MOV10L1: variants seen among roughly 807,000 people sequenced by gnomAD.
The protein encoded by MOV10L1 is Mov10 like RNA helicase 1.
MOV10L1 carries 110 observed loss-of-function variants against 143.8 expected under a neutral mutation model. The observed-to-expected ratio is 0.76, with a 90% CI of 0.66 to 0.90. The LOEUF is 0.90. MOV10L1 is among the 40% of genes least tolerant of loss of function. The probability of loss-of-function intolerance (pLI) is 0.00; values close to 1 mark genes in which losing one functional copy is unlikely to be tolerated. For synonymous variants in MOV10L1, 593 were observed against 581.1 expected, an observed-to-expected ratio of 1.02 and a Z score of -0.29; for missense variants, 1,406 against 1,526.8, an observed-to-expected ratio of 0.92 and a Z score of 1.32.
At chr22:50,113,842 TA>T in intron 6 of MOV10L1, 54 bp downstream of exon 6, 1 of 1,408,728 alleles carries the variant, frequency 7.1e-7, no homozygotes, top group Non-Finnish European at 9.3e-7. Context: ...GCTTTTACAC[TA>T]TGACTCAATA....
intron 20 of MOV10L1, among the ~76,000 whole-genome samples, chr22:50,150,119 C>A (rs190296729): frequency 2.0e-5 from 3 of 152,346 alleles, no homozygotes; most frequent in Admixed American, 2.0e-4. Context: ...CCTGCTTCCT[C>A]CCCGAGTGCT....
chr22:50,120,213 G>A lies in MOV10L1; in HGVS notation c.1455-289G>A, dbSNP rs116171564. 2.1e-3 allele frequency among the ~76,000 whole-genome samples: 315 copies of A among 152,262 alleles called. 2 individuals are homozygous for A. The highest frequency in any genetic ancestry group is 7.5e-3 in the African/African-American group (310 of 41,552). On this transcript the variant is annotated intron_variant, in intron 9 of 26. Transcript: ENST00000262794. ...AAAAACAGCTGTTTCCAAACTCCTGGTTCCAGGAGATTCTGGGGGTTCCAG... is the reference window on the plus strand; with the variant it reads ...AAAAACAGCTGTTTCCAAACTCCTGATTCCAGGAGATTCTGGGGGTTCCAG...
At chr22:50,132,522 T>C (rs954153999) in intron 13 of MOV10L1, among the ~76,000 whole-genome samples, 17 of 108,508 alleles carry the variant, frequency 1.6e-4, no homozygotes, top group Middle Eastern at 3.9e-3. Context: ...ATAGGTCTTA[T>C]AGATCTTTTG....
chr22:50,100,472 GA>G (rs1308388261), intron 3 of MOV10L1, among the ~76,000 whole-genome samples: 2 of 152,256 alleles, frequency 1.3e-5, no homozygotes, highest in African/African-American at 4.8e-5. Flanking sequence ...GCTTGGGGAT[GA>G]CATTGTACGT....
In MOV10L1 at chr22:50,143,174, C is replaced by T; in HGVS notation, c.2311C>T (p.Pro771Ser). 6.2e-7 allele frequency: 1 copy of T among 1,614,146 alleles called. No individual in the cohort carries two copies. The highest frequency in any genetic ancestry group is 8.5e-7 in the Non-Finnish European group (1 of 1,180,028). ...CRPLPYILFGPPGTGKTVTII... is the reference protein window; with the variant it reads ...CRPLPYILFGSPGTGKTVTII... ...TCCCCTCCCGTATATTCTCTTTGGA[C>T]CTCCTGGTACTGGAAAGACAGTGAC... is the stretch of plus-strand genomic sequence containing the variant. Residue 771 changes from proline (P) to serine (S), a missense_variant, in exon 17 of 27, where the codon CCT (proline) becomes TCT (serine). Pro to Ser is a moderately conservative substitution (Grantham distance 74). Transcript: ENST00000262794.
In MOV10L1 at chr22:50,099,538, C is replaced by G. The variant is rs146098008; in HGVS notation, c.378C>G (p.Ser126=). Residue 126 remains serine, a synonymous_variant, in exon 3 of 27, where the codon TCC becomes TCG. Transcript: ENST00000262794. ...GAGTGTTGATTGGCTGTGTGACTTCCCTGGTGGAGGGCGCAGGCTGTATCA... is the reference window on the plus strand; with the variant it reads ...GAGTGTTGATTGGCTGTGTGACTTCGCTGGTGGAGGGCGCAGGCTGTATCA... The part of the protein sequence containing the change: ...GPRVLIGCVT[S]LVEGAGCISQ... 9 of 1,614,068 alleles carry G rather than the reference C, an allele frequency of 5.6e-6. No individual in the cohort carries two copies. The Admixed American group carries it at 1.5e-4, about 27-fold the overall frequency.
intron 19 of MOV10L1, among the ~76,000 whole-genome samples, chr22:50,148,067 A>G (rs2063200172): frequency 6.6e-6 from 1 of 152,254 alleles, no homozygotes; most frequent in Admixed American, 6.5e-5. Context: ...GGATTTGCCC[A>G]GCATCTAGGG....
intron 12 of MOV10L1, among the ~76,000 whole-genome samples, chr22:50,128,014 C>G (rs190757652): frequency 3.9e-5 from 6 of 152,116 alleles, no homozygotes; most frequent in African/African-American, 1.4e-4. Flanking sequence ...CAAGGTGATC[C>G]GCCCACCTTG....
rs777534952 is a variant in MOV10L1 at position 50,158,052 on chromosome 22, C to A, written c.3067-5C>A. On this transcript the variant is annotated splice_region_variant and splice_polypyrimidine_tract_variant and intron_variant, in intron 22 of 26. Transcript: ENST00000262794. This position sits in a 1 kb window ranked among gnomAD's most constrained non-coding sequence, Gnocchi z 5.0. ...AAAGTAGGTTTTCTCTCCTCATCAA[C>A]CCAGGGCAGCGAGGCACGGGAGGGA... 2.5e-6 allele frequency: 4 copies of A among 1,612,440 alleles called. No homozygotes were observed. Among genetic ancestry groups the A allele is most frequent in the African/African-American group, 2.7e-5 (2 of 74,906 alleles).
intron 13 of MOV10L1, 31 bp downstream of exon 13, chr22:50,128,538 GTCTTTTTTTTT>G (rs2147245109): frequency 1.7e-6 from 1 of 596,972 alleles, no homozygotes; most frequent in East Asian, 3.6e-5. Flanking sequence ...TCTTTCAAAT[GTCTTTTTTTTT>G]TTTTTTTTTT....
Position 50,141,785 on chromosome 22 carries a change from C to T in MOV10L1, c.2071-296C>T, listed in dbSNP as rs2062995635. Reference sequence around the variant, plus strand: ...CAGCCTGGAAAGCAGGTAGGATGTACCAAGGGAAGATGATATTAATAAAAT... The same window carrying T: ...CAGCCTGGAAAGCAGGTAGGATGTATCAAGGGAAGATGATATTAATAAAAT... On this transcript the variant is annotated intron_variant, in intron 15 of 26. Coordinates refer to ENST00000262794, the MANE Select transcript of MOV10L1 (RefSeq NM_018995.3). 5.3e-5 allele frequency among the ~76,000 whole-genome samples: 8 copies of T among 152,150 alleles called. No homozygotes were observed. The South Asian group carries it at 1.7e-3, about 32-fold the overall frequency.
At chr22:50,110,597 G>A (rs531043553) in intron 5 of MOV10L1, among the ~76,000 whole-genome samples, 1 of 152,162 alleles carries the variant, frequency 6.6e-6, no homozygotes, top group South Asian at 2.1e-4. Flanking sequence ...TCACATTTTG[G>A]CATTTAAAAA....
chr22:50,090,508 C>T lies in MOV10L1; in HGVS notation c.97+323C>T, dbSNP rs570793867. The T allele has an allele frequency of 8.1e-6, 13 of 1,608,630 alleles. No individual in the cohort carries two copies. The African/African-American group carries it at 1.2e-4, about 15-fold the overall frequency. ...TCCTCCCTGTCCGCAGCGTCATTGG[C>T]GGTGGTGTGTCTAGAAAGCCCCGAA... On this transcript the variant is annotated intron_variant, in intron 1 of 26. Transcript: ENST00000262794.
At chr22:50,090,698 C>T (rs1204717810) in intron 1 of MOV10L1, 7 of 725,270 alleles carry the variant, frequency 9.7e-6, no homozygotes, top group South Asian at 1.8e-5. Context: ...GTGTGTGAGA[C>T]GGAGTTTCGC....
chr22:50,114,598 G>C lies in MOV10L1; in HGVS notation c.1102G>C (p.Val368Leu). ...KTSQMSESSL[V>L]NNRGISPGDC... Reference sequence around the variant, plus strand: ...CTCTCAGATGTCGGAGAGCAGTTTGGTGAACAACAGAGGAATCTCTCCAGG... The same window carrying C: ...CTCTCAGATGTCGGAGAGCAGTTTGCTGAACAACAGAGGAATCTCTCCAGG... Residue 368 changes from valine to leucine, a missense_variant, in exon 7 of 27, where the codon GTG becomes CTG. Around this residue, in one of 3 missense-constraint regions of MOV10L1, gnomAD observed 1,233 missense variants for 1,351.4 expected, o/e 0.91. Coordinates refer to ENST00000262794, the MANE Select transcript of MOV10L1 (RefSeq NM_018995.3). 6.2e-7 allele frequency: 1 copy of C among 1,614,050 alleles called. No individual in the cohort carries two copies. The highest frequency in any genetic ancestry group is 2.2e-5 in the East Asian group (1 of 44,886).
intron 2 of MOV10L1, chr22:50,092,777 A>C (rs1397724424): frequency 1.3e-5 from 2 of 152,342 alleles, no homozygotes; most frequent in African/African-American, 4.8e-5. Flanking sequence ...CTTTTTCAAC[A>C]ATTTAATGGT....
At position 50,150,348 on chromosome 22, in the gene MOV10L1, G is replaced by A. The variant is rs541158346; in HGVS notation, c.2728-387G>A. ...TCCAGGCAGAGCAGCGGCATAGGGC[G>A]GCCTGACCAGGTCAAGGCAACCATG... On this transcript the variant is annotated intron_variant, in intron 20 of 26. Coordinates refer to ENST00000262794, the MANE Select transcript of MOV10L1 (RefSeq NM_018995.3). 7.9e-5 allele frequency among the ~76,000 whole-genome samples: 12 copies of A among 152,324 alleles called. 1 individual carries two copies. The highest frequency in any genetic ancestry group is 2.1e-4 in the South Asian group (1 of 4,824).
At chr22:50,095,327 T>C (rs2062561428) in intron 2 of MOV10L1, 1 of 152,262 alleles carries the variant, frequency 6.6e-6, no homozygotes, top group African/African-American at 2.4e-5. Flanking sequence ...TGTTAGTATT[T>C]ATGGACTTCC....
intron 5 of MOV10L1, among the ~76,000 whole-genome samples, chr22:50,109,903 C>T (rs190268257): frequency 2.6e-5 from 4 of 152,186 alleles, no homozygotes; most frequent in Non-Finnish European, 5.9e-5. Context: ...GTAATCCCAA[C>T]GCTTTGGGAT....
Sources: gnomAD v4.1 joint callset for allele counts (sites outside exome capture counted in the v4.1 genomes callset) on GRCh38, gnomAD v4.1.1 for gene constraint, gnomAD v4.1.1 regional missense constraint, Gnocchi (gnomAD v3.1) non-coding constraint, MANE v1.5 for transcripts, NCBI Gene and HGNC (gene_info 2026-07-23, HGNC 2026-07-21) for gene names.